STK10: variants seen among roughly 807,000 people sequenced by gnomAD.
STK10 encodes the protein serine/threonine-protein kinase 10.
Under a neutral mutation model 113.8 loss-of-function variants are expected in STK10, and 78 were observed. That is an observed-to-expected ratio of 0.69 (90% CI 0.57 to 0.83). The LOEUF (loss-of-function observed/expected upper bound fraction) is 0.83. Ranked by LOEUF, STK10 falls within the 40% of genes least tolerant of loss-of-function variation. STK10 has a pLI of 0.00. For missense variants in STK10, 1,109 were observed against 1,280.1 expected (o/e 0.87, Z 2.04); for synonymous variants, 465 against 494.7 (o/e 0.94, Z 0.80).
intron 2 of STK10, 118 bp from the exon 3 acceptor site, chr5:172,127,539 TC>T: frequency 1.0e-6 from 1 of 986,076 alleles, no homozygotes; most frequent in Non-Finnish European, 1.5e-6. Context: ...GCCCCTGCTC[TC>T]CAGCCCTTCC....
At chr5:172,185,243 A>AG in intron 1 of STK10, among the ~76,000 whole-genome samples, 1 of 151,658 alleles carries the variant, frequency 6.6e-6, no homozygotes, top group East Asian at 1.9e-4. Flanking sequence ...CCCCTAACGG[A>AG]GAAAAAAAAA....
At chr5:172,068,588 T>A (rs928724644) in intron 12 of STK10, among the ~76,000 whole-genome samples, 3 of 152,230 alleles carry the variant, frequency 2.0e-5, no homozygotes, top group Non-Finnish European at 4.4e-5. Context: ...CCTTAAGATC[T>A]TTAAAATCTC....
intron 3 of STK10, among the ~76,000 whole-genome samples, chr5:172,127,028 G>A (rs534912185): frequency 7.9e-5 from 12 of 152,168 alleles, no homozygotes; most frequent in Admixed American, 1.3e-4. Flanking sequence ...CAAGCCGTGC[G>A]TGGTGGCACG....
At chr5:172,071,065 C>T (rs1362361545) in intron 12 of STK10, among the ~76,000 whole-genome samples, 1 of 151,138 alleles carries the variant, frequency 6.6e-6, no homozygotes, top group African/African-American at 2.4e-5. Context: ...AAAACATTAG[C>T]CGGGTGTGGT....
At chr5:172,054,477 C>T in intron 17 of STK10, 92 bp downstream of exon 17, 1 of 1,535,646 alleles carries the variant, frequency 6.5e-7, no homozygotes, top group Non-Finnish European at 8.8e-7. Flanking sequence ...AAGATCCTTC[C>T]CTGCTGTGGA....
chr5:172,121,424 C>T (rs963555209), intron 3 of STK10, among the ~76,000 whole-genome samples: 1 of 152,126 alleles, frequency 6.6e-6, no homozygotes, highest in East Asian at 1.9e-4. Context: ...ACTGCAGCCT[C>T]GATCTCCCAG....
chr5:172,056,156 T>G (rs912115762), intron 15 of STK10, among the ~76,000 whole-genome samples: 4 of 152,202 alleles, frequency 2.6e-5, no homozygotes, highest in Non-Finnish European at 5.9e-5. Context: ...CCCTAACACC[T>G]ATTTGTATTT....
At chr5:172,074,764 A>G (rs1193713743) in intron 12 of STK10, among the ~76,000 whole-genome samples, 1 of 152,226 alleles carries the variant, frequency 6.6e-6, no homozygotes, top group African/African-American at 2.4e-5. Flanking sequence ...CACAACAGTA[A>G]TCATGGCACT....
At chr5:172,183,874 ATCC>A (rs1424484956) in intron 1 of STK10, among the ~76,000 whole-genome samples, 21 of 152,322 alleles carry the variant, frequency 1.4e-4, no homozygotes, top group African/African-American at 3.6e-4. Context: ...AATCAATCCT[ATCC>A]TCCTCTTTTT....
rs548719438 is a variant in STK10, at chr5:172,127,038, G to C, written c.370+335C>G. Among the ~76,000 whole-genome samples, 13 of 152,166 alleles carry C rather than the reference G, an allele frequency of 8.5e-5. No individual in the cohort carries two copies. The South Asian group carries it at 2.7e-3, about 32-fold the overall frequency. On this transcript the variant is annotated intron_variant, in intron 3 of 18. Coordinates refer to ENST00000176763, the MANE Select transcript of STK10 (RefSeq NM_005990.4). The stretch of plus-strand genomic sequence containing the variant: ...AAAAACAAGCCGTGCGTGGTGGCAC[G>C]GACCTGTAATCCCAGGCTACTCAGG...
chr5:172,157,046 G>A (rs947840075), intron 1 of STK10, among the ~76,000 whole-genome samples: 1 of 152,142 alleles, frequency 6.6e-6, no homozygotes, highest in African/African-American at 2.4e-5. Context: ...TGGAAAGACT[G>A]TTGATTTGTT....
In STK10 at chr5:172,070,711, T is replaced by TAGTC. The variant is rs199986093; in HGVS notation, c.1990-5900_1990-5899insGACT. Among the ~76,000 whole-genome samples the TAGTC allele has an allele frequency of 8.3e-3, 1,255 of 151,478 alleles. 18 individuals carry two copies. The highest frequency in any genetic ancestry group is 0.029 in the African/African-American group (1,197 of 41,248). ...TGATAAGGTCAATAAAATTAATAAT[T>TAGTC]AGACTGACAGGGAAGGAGGAGGAGA... is the stretch of plus-strand genomic sequence containing the variant. On this transcript the variant is annotated intron_variant, in intron 12 of 18. Coordinates refer to ENST00000176763, the MANE Select transcript of STK10 (RefSeq NM_005990.4).
At position 172,096,455 on chromosome 5, in the gene STK10, C is replaced by G. The variant is rs935708460; in HGVS notation, c.976G>C (p.Glu326Gln). ...EEIEDGRDEG[E>Q]EEDAVDAAST... ...GCGGCATCCACGGCGTCCTCCTCTT[C>G]CCCCTCATCCCGGCCGTCTTCGATC... The change falls in exon 8 of 19, where the codon GAA (glutamate) becomes CAA (glutamine). Residue 326 changes from glutamate to glutamine, a missense_variant. This residue lies in a region of STK10 where 885 missense variants were observed against 991.1 expected (regional missense o/e 0.89). Transcript: ENST00000176763. 4 of 1,613,174 alleles carry G rather than the reference C, an allele frequency of 2.5e-6. No individual in the cohort carries two copies. Among genetic ancestry groups the G allele is most frequent in the Non-Finnish European group, 3.4e-6 (4 of 1,179,978 alleles).
In STK10 at chr5:172,107,781, A is replaced by G. The variant is rs1381524857; in HGVS notation, c.592T>C (p.Trp198Arg). ...ATTTCCAGAAGCTACACGACTCACC[A>G]GTAAGGCGTGCCGATGAAGGAATCT... ...KRDSFIGTPY[W>R]MAPEVVMCET... Residue 198 changes from tryptophan (W) to arginine (R), a missense_variant and splice_region_variant, in exon 5 of 19, where the codon TGG becomes CGG. This residue lies in a region of STK10 where 44 missense variants were observed against 84.4 expected (regional missense o/e 0.52). Coordinates refer to ENST00000176763, the MANE Select transcript of STK10 (RefSeq NM_005990.4). 2 of 1,614,062 alleles carry G rather than the reference A, an allele frequency of 1.2e-6. No homozygotes were observed. The highest frequency in any genetic ancestry group is 1.3e-5 in the African/African-American group (1 of 75,060).
chr5:172,117,674 C>T lies in STK10; in HGVS notation c.371-44G>A, dbSNP rs1362825363. On this transcript the variant is annotated intron_variant, in intron 3 of 18. Coordinates refer to ENST00000176763, the MANE Select transcript of STK10 (RefSeq NM_005990.4). ...GGCTGTCAATTCAGTAAGCCCTGGACACAGGAAACTGAAATGTCAGGCCCA... is the reference window on the plus strand; with the variant it reads ...GGCTGTCAATTCAGTAAGCCCTGGATACAGGAAACTGAAATGTCAGGCCCA... 3.1e-6 allele frequency: 5 copies of T among 1,603,818 alleles called. No homozygotes were observed. The Admixed American group carries it at 5.1e-5, about 16-fold the overall frequency.
chr5:172,125,424 G>T (rs150584041), intron 3 of STK10, among the ~76,000 whole-genome samples: 13 of 149,902 alleles, frequency 8.7e-5, no homozygotes, highest in Admixed American at 6.7e-4. Flanking sequence ...TCACTCTGTC[G>T]CCCAGGCTGG....
At chr5:172,175,522 A>G (rs1770743271) in intron 1 of STK10, among the ~76,000 whole-genome samples, 1 of 152,068 alleles carries the variant, frequency 6.6e-6, no homozygotes, top group Non-Finnish European at 1.5e-5. Flanking sequence ...GAGGGGCCCC[A>G]GGAGCACTCA....
chr5:172,097,725 G>A (rs756028537), intron 7 of STK10, among the ~76,000 whole-genome samples: 5 of 152,176 alleles, frequency 3.3e-5, no homozygotes, highest in Admixed American at 1.3e-4. Context: ...AGACATTCTC[G>A]TATATGTCTT....
At chr5:172,071,113 G>A (rs1768168582) in intron 12 of STK10, among the ~76,000 whole-genome samples, 1 of 148,614 alleles carries the variant, frequency 6.7e-6, no homozygotes, top group South Asian at 2.1e-4. Context: ...AGGAGGCTGA[G>A]CAGGAGAATC....
Sources: gnomAD v4.1 joint callset for allele counts (sites outside exome capture counted in the v4.1 genomes callset) on GRCh38, gnomAD v4.1.1 for gene constraint, gnomAD v4.1.1 regional missense constraint, MANE v1.5 for transcripts, NCBI Gene and HGNC (gene_info 2026-07-23, HGNC 2026-07-21) for gene names.